TLK2: variants seen among roughly 807,000 people sequenced by gnomAD.
TLK2 encodes serine/threonine-protein kinase tousled-like 2.
Under a neutral mutation model 117.3 loss-of-function variants are expected in TLK2, and 6 were observed. That is an observed-to-expected ratio of 0.05 (90% CI 0.03 to 0.10). TLK2 has a LOEUF of 0.10. Among genes scored for constraint, TLK2 ranks in the 10% least tolerant of loss-of-function variants. TLK2 has a pLI of 1.00. For synonymous variants in TLK2, 257 were observed against 316.7 expected, an observed-to-expected ratio of 0.81 and a Z score of 2.00; for missense variants, 299 against 901.2, an observed-to-expected ratio of 0.33 and a Z score of 8.56.
intron 21 of TLK2, among the ~76,000 whole-genome samples, chr17:62,609,751 T>C (rs1032105487): frequency 2.0e-5 from 3 of 152,244 alleles, no homozygotes; most frequent in Admixed American, 6.5e-5. Context: ...TGTGTAACTT[T>C]AGGCAAGTTA....
upstream of TLK2, chr17:62,477,423 G>GC (rs1239336220): frequency 3.3e-5 from 5 of 152,254 alleles, no homozygotes; most frequent in Non-Finnish European, 1.5e-5. Flanking sequence ...CACAGTGCTT[G>GC]CATGTGCCCC....
At chr17:62,503,873 C>T (rs2074435702) in intron 2 of TLK2, among the ~76,000 whole-genome samples, 1 of 151,854 alleles carries the variant, frequency 6.6e-6, no homozygotes, top group Non-Finnish European at 1.5e-5. Context: ...GGATTACAGG[C>T]ATGTGCCACC....
chr17:62,587,972 CG>C (rs976251739), intron 16 of TLK2, among the ~76,000 whole-genome samples: 12 of 149,858 alleles, frequency 8.0e-5, no homozygotes, highest in African/African-American at 2.9e-4. Context: ...ATAAAATATA[CG>C]TATACATCTG....
chr17:62,523,304 C>T (rs1031715833), intron 5 of TLK2, 127 bp downstream of exon 5: 22 of 1,285,816 alleles, frequency 1.7e-5, no homozygotes, highest in African/African-American at 4.6e-5. Flanking sequence ...TTTGGCCAGG[C>T]GAGGTGGCTT....
intron 2 of TLK2, chr17:62,516,188 G>C: frequency 1.7e-6 from 1 of 590,202 alleles, no homozygotes; most frequent in South Asian, 1.9e-5. Context: ...GCCTCCCAAA[G>C]TGCTGGGATT....
At chr17:62,605,853 A>C (rs1414629677) in intron 19 of TLK2, among the ~76,000 whole-genome samples, 1 of 151,656 alleles carries the variant, frequency 6.6e-6, no homozygotes, top group Non-Finnish European at 1.5e-5. Context: ...AATTTTTTTT[A>C]AAAACTACCC....
At chr17:62,586,380 G>A (rs1310992435) in intron 16 of TLK2, among the ~76,000 whole-genome samples, 154 bp downstream of exon 16, 14 of 152,144 alleles carry the variant, frequency 9.2e-5, no homozygotes, top group Non-Finnish European at 1.8e-4. Flanking sequence ...GTGTTACGAC[G>A]AGGAAACTGA....
At chr17:62,527,373 C>T (rs2076433041) in intron 6 of TLK2, among the ~76,000 whole-genome samples, 1 of 152,028 alleles carries the variant, frequency 6.6e-6, no homozygotes, top group Non-Finnish European at 1.5e-5. Flanking sequence ...CAGAAGAGTA[C>T]ACATTGTAAG....
At chr17:62,599,530 G>A (rs558481589) in intron 17 of TLK2, among the ~76,000 whole-genome samples, 3 of 152,290 alleles carry the variant, frequency 2.0e-5, no homozygotes, top group Non-Finnish European at 2.9e-5. Context: ...GCAGAAATGG[G>A]AGGGGGTCTC....
chr17:62,553,162 C>G (rs1300955087), intron 8 of TLK2, among the ~76,000 whole-genome samples: 2 of 152,194 alleles, frequency 1.3e-5, no homozygotes, highest in South Asian at 4.1e-4. Context: ...TCTTAAATCT[C>G]AAGAGGTATA....
intron 2 of TLK2, among the ~76,000 whole-genome samples, chr17:62,494,517 A>G (rs1363627548): frequency 2.0e-5 from 3 of 151,994 alleles, no homozygotes; most frequent in African/African-American, 7.3e-5. Context: ...TTGGCCTTTC[A>G]AAGTGTTGGG....
chr17:62,496,167 C>G (rs1291101882), intron 2 of TLK2, among the ~76,000 whole-genome samples: 3 of 152,046 alleles, frequency 2.0e-5, no homozygotes, highest in Non-Finnish European at 2.9e-5. Flanking sequence ...TTAAAAAATG[C>G]AAGTATATTA....
At chr17:62,608,571 G>A (rs1410817641) in intron 21 of TLK2, among the ~76,000 whole-genome samples, 1 of 152,182 alleles carries the variant, frequency 6.6e-6, no homozygotes, top group Non-Finnish European at 1.5e-5. Context: ...CTGTTCTCAT[G>A]CTGCTAATAA....
At chr17:62,579,549 C>T (rs1216959676) in intron 14 of TLK2, among the ~76,000 whole-genome samples, 4 of 152,032 alleles carry the variant, frequency 2.6e-5, no homozygotes, top group Admixed American at 2.6e-4. Flanking sequence ...TTTGTTTTTG[C>T]CAGAACTTGT....
chr17:62,590,421 C>T (rs1285655722), intron 16 of TLK2, among the ~76,000 whole-genome samples: 3 of 152,062 alleles, frequency 2.0e-5, no homozygotes, highest in African/African-American at 2.4e-5. Flanking sequence ...CCAGCCTGGG[C>T]GACAGAGCGA....
At chr17:62,532,780 G>C (rs2076831637) in intron 6 of TLK2, among the ~76,000 whole-genome samples, 1 of 152,026 alleles carries the variant, frequency 6.6e-6, no homozygotes, top group South Asian at 2.1e-4. Flanking sequence ...TATAAATAGT[G>C]CTGCAATGAA....
At position 62,614,814 on chromosome 17, in the gene TLK2, A is replaced by G. The variant is rs1185940026; in HGVS notation, c.*2249A>G. 6.6e-6 allele frequency: 1 copy of G among 152,220 alleles called. No homozygotes were observed. Among genetic ancestry groups the G allele is most frequent in the Non-Finnish European group, 1.5e-5 (1 of 68,036 alleles). The allele number at this position is 152,220 out of a possible 1,614,324, so 9.4% of individuals were successfully genotyped here. A position where few individuals can be genotyped will look rare whatever the true frequency, so the allele number is the denominator to read the frequency against. ...TCCAAGCTGCTAAGCAAAGGGTCTCACAGGTCGAGCACAGTGCTGAGAGGA... is the reference window on the plus strand; with the variant it reads ...TCCAAGCTGCTAAGCAAAGGGTCTCGCAGGTCGAGCACAGTGCTGAGAGGA... On this transcript the variant is annotated 3_prime_UTR_variant, in exon 22 of 22. Transcript: ENST00000346027.
At chr17:62,538,039 T>G (rs1010715349) in intron 7 of TLK2, among the ~76,000 whole-genome samples, 8 of 143,420 alleles carry the variant, frequency 5.6e-5, no homozygotes, top group African/African-American at 2.1e-4. Context: ...CTTTGTTTTT[T>G]TTTTTTTTTT....
At chr17:62,556,878 C>G (rs2078902790) in intron 9 of TLK2, among the ~76,000 whole-genome samples, 1 of 152,184 alleles carries the variant, frequency 6.6e-6, no homozygotes, top group East Asian at 1.9e-4. Context: ...ACACTGTCTT[C>G]CATATATTTC....
Sources: allele counts gnomAD v4.1 joint callset (sites outside exome capture counted in the v4.1 genomes callset), GRCh38; gene constraint gnomAD v4.1.1; transcripts MANE v1.5; gene names NCBI Gene and HGNC (gene_info 2026-07-23, HGNC 2026-07-21).